The following VPS9D1 variants were observed in gnomAD, a reference collection of about 807,000 sequenced individuals.
The protein encoded by VPS9D1 is VPS9 domain containing 1.
In VPS9D1, 78 loss-of-function variants were observed where a neutral mutation model predicts 75.8. The observed-to-expected ratio is 1.03, with a 90% confidence interval of 0.86 to 1.24. The LOEUF (loss-of-function observed/expected upper bound fraction) is 1.24, where lower values mean the gene tolerates loss of function less well. Ranked by LOEUF, VPS9D1 falls within the 50% of genes most tolerant of loss-of-function variation. VPS9D1 has a pLI of 0.00. For missense variants in VPS9D1, 1,057 were observed against 847.7 expected (o/e 1.25, Z -3.07); for synonymous variants, 481 against 385.6 (o/e 1.25, Z -2.90).
Position 89,716,751 on chromosome 16 carries a change from G to T in VPS9D1, c.247C>A (p.Gln83Lys), listed in dbSNP as rs1486900924. The T allele has an allele frequency of 3.8e-6, 6 of 1,589,936 alleles. No individual in the cohort carries two copies. The highest frequency in any genetic ancestry group is 1.8e-5 in the Admixed American group (1 of 54,064). Reference sequence around the variant, plus strand: ...CCACCAAGCTTGGCGGCCGTCGACTGGGCCCTCTCCAGACACTGCTGTGCT... The same window carrying T: ...CCACCAAGCTTGGCGGCCGTCGACTTGGCCCTCTCCAGACACTGCTGTGCT... ...KLAQQCLERAQSTAAKLGKTR... is the reference protein window; with the variant it reads ...KLAQQCLERAKSTAAKLGKTR... The change falls in exon 3 of 15, where the codon CAG (glutamine) becomes AAG (lysine). Residue 83 changes from glutamine (Q) to lysine (K), a missense_variant. Coordinates refer to ENST00000389386, the MANE Select transcript of VPS9D1 (RefSeq NM_004913.3).
chr16:89,708,654 C>T, intron 13 of VPS9D1, 123 bp from the exon 14 acceptor site: 1 of 1,181,596 alleles, frequency 8.5e-7, no homozygotes. Flanking sequence ...CGCAGAGGCA[C>T]CGGAAGGCAG....
At position 89,712,707 on chromosome 16, in the gene VPS9D1, C is replaced by G. The variant is rs371673244; in HGVS notation, c.441G>C (p.Thr147=). 63 of 1,600,512 alleles carry G rather than the reference C, an allele frequency of 3.9e-5. No homozygotes were observed. The highest frequency in any genetic ancestry group is 5.1e-5 in the Admixed American group (3 of 58,386). ...TCTGCAGGGAGGCCTCCTCCAGTGG[C>G]GTCAGCTCTCTGGAAATGTGACAAG... ...AESQSCKKEL[T]PLEEASLQNQ... Residue 147 remains threonine, a synonymous_variant, in exon 5 of 15, where the codon ACG becomes ACC. Transcript: ENST00000389386.
At chr16:89,711,576 C>A in intron 8 of VPS9D1, 164 bp from the exon 9 acceptor site, 1 of 696,064 alleles carries the variant, frequency 1.4e-6, no homozygotes, top group Non-Finnish European at 2.4e-6. Flanking sequence ...CCCACCCACA[C>A]CCGAGGGAAA....
rs543725279 is a variant in VPS9D1 at position 89,720,050 on chromosome 16, G to C, written c.99+713C>G. ...ATGTTTTTTTGTTTTATCCCTAGCT[G>C]TTAAGTTTCCTATCTTTAAGTCTAT... is the stretch of plus-strand genomic sequence containing the variant. On this transcript the variant is annotated intron_variant, in intron 1 of 14. Transcript: ENST00000389386. 7.2e-5 allele frequency among the ~76,000 whole-genome samples: 11 copies of C among 152,286 alleles called. No homozygotes were observed. In the South Asian group the frequency reaches 2.3e-3, roughly 32 times the overall value.
At position 89,710,818 on chromosome 16, in the gene VPS9D1, T is replaced by A. The variant is rs544856270; in HGVS notation, c.1026A>T (p.Ala342=). 3.0e-4 allele frequency: 464 copies of A among 1,534,982 alleles called. 2 individuals carry two copies. The African/African-American group carries it at 5.3e-3, about 17-fold the overall frequency. Residue 342 remains alanine, a synonymous_variant, in exon 10 of 15, where the codon GCA becomes GCT. Transcript: ENST00000389386. ...GGGGACTGTCCTGGGGCCGCGGGGC[T>A]GCGCTGGGCTCGGGCGGGGACAGCA... The part of the protein sequence containing the change: ...HCMLSPPEPS[A]APRPQDSPPT...
rs558952597 is a variant in VPS9D1, at chr16:89,707,553, A to T, written c.*308T>A. The T allele has an allele frequency of 6.2e-6, 2 of 320,020 alleles. No homozygotes were observed. The highest frequency in any genetic ancestry group is 8.8e-5 in the South Asian group (2 of 22,660). 19.8% of individuals were successfully genotyped at this position (320,020 alleles called of 1,614,324 possible). A position where few individuals can be genotyped will look rare whatever the true frequency, so the allele number is the denominator to read the frequency against. Reference sequence around the variant, plus strand: ...GATGTTCATCGCTGAGCCTGCACCCACCGAAGCCCAAAGCTTCCCTTCTTG... The same window carrying T: ...GATGTTCATCGCTGAGCCTGCACCCTCCGAAGCCCAAAGCTTCCCTTCTTG... On this transcript the variant is annotated 3_prime_UTR_variant, in exon 15 of 15. Coordinates refer to ENST00000389386, the MANE Select transcript of VPS9D1 (RefSeq NM_004913.3).
rs570518774 is a variant in VPS9D1 at position 89,709,671 on chromosome 16, T to C, written c.1388+106A>G. ...GGCTAGGGGGAGCAAACACGAGTCTTGGGGATGGAGGGGAGCAGACAGTGC... is the reference window on the plus strand; with the variant it reads ...GGCTAGGGGGAGCAAACACGAGTCTCGGGGATGGAGGGGAGCAGACAGTGC... On this transcript the variant is annotated intron_variant, in intron 11 of 14. Transcript: ENST00000389386. 8.9e-4 allele frequency: 1,379 copies of C among 1,551,018 alleles called. 2 individuals carry two copies. The highest frequency in any genetic ancestry group is 1.1e-3 in the Non-Finnish European group (1,272 of 1,140,462).
chr16:89,712,078 GCTC>G lies in VPS9D1; in HGVS notation c.625_627del (p.Glu209del). 1 of 1,548,486 alleles carries G rather than the reference GCTC, an allele frequency of 6.5e-7. No individual in the cohort carries two copies. The highest frequency in any genetic ancestry group is 8.7e-7 in the Non-Finnish European group (1 of 1,146,822). The stretch of plus-strand genomic sequence containing the variant: ...GCGGCCTCCTGGAGCCGCAGCCGGC[GCTC>G]CTCCATCTTTCTCTGGAGCTGGGTG... On this transcript the variant is annotated inframe_deletion, in exon 7 of 15. Coordinates refer to ENST00000389386, the MANE Select transcript of VPS9D1 (RefSeq NM_004913.3).
chr16:89,713,279 G>A (rs1331514095), intron 4 of VPS9D1, among the ~76,000 whole-genome samples: 2 of 151,632 alleles, frequency 1.3e-5, no homozygotes, highest in Non-Finnish European at 2.9e-5. Context: ...TTTTGAGACG[G>A]AGTCTCGCTC....
chr16:89,716,826 G>T lies in VPS9D1; in HGVS notation c.176-4C>A. On this transcript the variant is annotated splice_polypyrimidine_tract_variant and splice_region_variant and intron_variant, in intron 2 of 14. Transcript: ENST00000389386. ...GGGGGCACAGTTTCCCCAGCTTCTG[G>T]GGGAGGGACAAGAAGGCTGGTCACA... 1.9e-6 allele frequency: 3 copies of T among 1,588,306 alleles called. No homozygotes were observed. Among genetic ancestry groups the T allele is most frequent in the Non-Finnish European group, 2.6e-6 (3 of 1,172,728 alleles).
chr16:89,716,997 T>G, intron 2 of VPS9D1, 175 bp from the exon 3 acceptor site: 1 of 349,792 alleles, frequency 2.9e-6, no homozygotes, highest in Non-Finnish European at 4.5e-6. Flanking sequence ...GCAAGCCCAC[T>G]GCCCCCCCAT....
At chr16:89,719,879 C>A (rs1471099815) in intron 1 of VPS9D1, among the ~76,000 whole-genome samples, 2 of 152,156 alleles carry the variant, frequency 1.3e-5, no homozygotes, top group Non-Finnish European at 2.9e-5. Flanking sequence ...CCGCCACACC[C>A]AGCTAATTTT....
In VPS9D1 at chr16:89,708,648, G is replaced by A. The variant is rs2060843889; in HGVS notation, c.1698-117C>T. The A allele has an allele frequency of 9.9e-6, 12 of 1,215,774 alleles. No homozygotes were observed. In the South Asian group the frequency reaches 1.7e-4, roughly 17 times the overall value. The allele number at this position is 1,215,774 out of a possible 1,614,324, so 75.3% of individuals were successfully genotyped here. A position where few individuals can be genotyped will look rare whatever the true frequency, so the allele number is the denominator to read the frequency against. Reference sequence around the variant, plus strand: ...CGCCATCTCTGTGCCCTTCTGCGCAGAGGCACCGGAAGGCAGCTGGGCATG... The same window carrying A: ...CGCCATCTCTGTGCCCTTCTGCGCAAAGGCACCGGAAGGCAGCTGGGCATG... On this transcript the variant is annotated intron_variant, in intron 13 of 14. Coordinates refer to ENST00000389386, the MANE Select transcript of VPS9D1 (RefSeq NM_004913.3).
intron 9 of VPS9D1, 136 bp from the exon 10 acceptor site, chr16:89,711,146 G>A: frequency 2.5e-6 from 3 of 1,201,082 alleles, no homozygotes; most frequent in East Asian, 2.6e-5. Context: ...TCTGCCCCCC[G>A]CCCCCGCTGG....
rs149505146 is a variant in VPS9D1, at chr16:89,714,861, A to G, written c.431+1601T>C. Among the ~76,000 whole-genome samples, 122 of 152,062 alleles carry G rather than the reference A, an allele frequency of 8.0e-4. 1 individual carries two copies. Among genetic ancestry groups the G allele is most frequent in the African/African-American group, 2.9e-3 (122 of 41,478 alleles). On this transcript the variant is annotated intron_variant, in intron 4 of 14. Coordinates refer to ENST00000389386, the MANE Select transcript of VPS9D1 (RefSeq NM_004913.3). ...GCGATTCTCCTGCCTCAGCCTCCCA[A>G]GTAGCTGGGGTTACAGGCACGCGCC...
Position 89,710,761 on chromosome 16 carries a change from C to T in VPS9D1, c.1083G>A (p.Gly361=). The change falls in exon 10 of 15, where the codon GGG becomes GGA. Residue 361 remains glycine (G), a synonymous_variant. Coordinates refer to ENST00000389386, the MANE Select transcript of VPS9D1 (RefSeq NM_004913.3). ...CGGTGTCCCCCAGGGGTGAGGGAGA[C>T]CCCACGGGGCCGGGTTGGAGTGGGG... is the stretch of plus-strand genomic sequence containing the variant. The part of the protein sequence containing the change: ...PTPPLQPGPV[G]SPSPLGDTAS... The T allele has an allele frequency of 6.4e-7, 1 of 1,564,000 alleles. No individual in the cohort carries two copies. Among genetic ancestry groups the T allele is most frequent in the South Asian group, 1.2e-5 (1 of 85,700 alleles).
At chr16:89,719,167 C>T (rs1466854782) in intron 1 of VPS9D1, 65 bp from the exon 2 acceptor site, 17 of 1,489,342 alleles carry the variant, frequency 1.1e-5, no homozygotes, top group Non-Finnish European at 1.5e-5. Flanking sequence ...ATTATTCCGG[C>T]CAGGTGCCCT....
chr16:89,708,047 G>C, intron 14 of VPS9D1, 93 bp from the exon 15 acceptor site: 3 of 1,291,122 alleles, frequency 2.3e-6, no homozygotes, highest in South Asian at 1.2e-5. Context: ...CCCAGTTCAG[G>C]ACCTGGGTGC....
In VPS9D1 at chr16:89,720,886, C is replaced by A; in HGVS notation, c.-25G>T. 2 of 1,336,404 alleles carry A rather than the reference C, an allele frequency of 1.5e-6. No individual in the cohort carries two copies. The highest frequency in any genetic ancestry group is 3.5e-5 in the Admixed American group (1 of 28,764). 82.8% of individuals were successfully genotyped at this position (1,336,404 alleles called of 1,614,324 possible). A position where few individuals can be genotyped will look rare whatever the true frequency, so the allele number is the denominator to read the frequency against. ...TGGCGCCGAGCGGGGGAGGCGGCGG[C>A]GGTAGCCGAGGGGCTGGACGGGCGA... On this transcript the variant is annotated 5_prime_UTR_variant, in exon 1 of 15. Transcript: ENST00000389386.
Sources: allele counts gnomAD v4.1 joint callset (sites outside exome capture counted in the v4.1 genomes callset), GRCh38; gene constraint gnomAD v4.1.1; transcripts MANE v1.5; gene names NCBI Gene and HGNC (gene_info 2026-07-23, HGNC 2026-07-21).